LEPR: variants seen among roughly 807,000 people sequenced by gnomAD.
LEPR encodes the protein OB receptor.
LEPR carries 56 observed loss-of-function variants against 114.7 expected under a neutral mutation model. The observed-to-expected ratio is 0.49, with a 90% confidence interval of 0.39 to 0.61. The LOEUF (loss-of-function observed/expected upper bound fraction) is 0.61. Ranked by LOEUF, LEPR falls within the 20% of genes least tolerant of loss-of-function variation. The probability of loss-of-function intolerance (pLI) is 0.00; values close to 1 mark genes in which losing one functional copy is unlikely to be tolerated. For missense variants in LEPR, 1,202 were observed against 1,352.9 expected (o/e 0.89, Z 1.75); for synonymous variants, 443 against 461.4 (o/e 0.96, Z 0.51).
At position 65,548,431 on chromosome 1, in the gene LEPR, G is replaced by A. The variant is rs537270460; in HGVS notation, c.-20-17115G>A. ...GGTGTTAAAGTCTCCCATTATTATT[G>A]TGTGGGAGTCTAAGTCTCTTTGTAG... On this transcript the variant is annotated intron_variant, in intron 2 of 19. Transcript: ENST00000349533. 3.3e-5 allele frequency among the ~76,000 whole-genome samples: 5 copies of A among 152,144 alleles called. No individual in the cohort carries two copies. In the South Asian group the frequency reaches 8.3e-4, roughly 25 times the overall value.
At chr1:65,514,665 G>A (rs1217108746) in intron 2 of LEPR, among the ~76,000 whole-genome samples, 1 of 152,100 alleles carries the variant, frequency 6.6e-6, no homozygotes, top group Non-Finnish European at 1.5e-5. Context: ...ATGTTCTGTG[G>A]TAATTTAGAA....
chr1:65,593,063 T>G (rs1446472797), intron 6 of LEPR, among the ~76,000 whole-genome samples, 198 bp downstream of exon 6: 1 of 152,120 alleles, frequency 6.6e-6, no homozygotes, highest in Non-Finnish European at 1.5e-5. Context: ...CATTGTCACT[T>G]AAATTCTGTT....
chr1:65,607,252 C>CT (rs1488649485), intron 11 of LEPR, among the ~76,000 whole-genome samples: 4 of 152,180 alleles, frequency 2.6e-5, no homozygotes, highest in African/African-American at 9.7e-5. Context: ...AGCCCTTCAG[C>CT]TTCCCTTTTT....
chr1:65,566,726 T>C (rs959801887), intron 3 of LEPR, among the ~76,000 whole-genome samples: 2 of 152,228 alleles, frequency 1.3e-5, no homozygotes, highest in Non-Finnish European at 2.9e-5. Context: ...AGCTGTTACC[T>C]GTGTGTCAAC....
intron 2 of LEPR, among the ~76,000 whole-genome samples, chr1:65,501,433 GAAACAGACACAAGGAGGAAA>G (rs1425649080): frequency 6.6e-6 from 1 of 150,940 alleles, no homozygotes; most frequent in East Asian, 2.0e-4. Flanking sequence ...TAAAAGAAGA[GAAACAGACACAAGGAGGAAA>G]ACCTTGTGTC....
At chr1:65,512,632 A>G (rs1649090105) in intron 2 of LEPR, among the ~76,000 whole-genome samples, 1 of 152,172 alleles carries the variant, frequency 6.6e-6, no homozygotes, top group African/African-American at 2.4e-5. Flanking sequence ...GTAGATCAAC[A>G]CTTGAAAAAC....
At chr1:65,499,201 G>A (rs972879884) in intron 2 of LEPR, among the ~76,000 whole-genome samples, 2 of 152,094 alleles carry the variant, frequency 1.3e-5, no homozygotes, top group African/African-American at 4.8e-5. Context: ...ATAAGAGTGA[G>A]ACACTGTATT....
intron 2 of LEPR, among the ~76,000 whole-genome samples, chr1:65,498,017 T>C (rs1216531095): frequency 2.0e-5 from 3 of 152,170 alleles, no homozygotes; most frequent in Non-Finnish European, 2.9e-5. Flanking sequence ...CTGTCCCCTG[T>C]CCCTGATAAA....
intron 2 of LEPR, among the ~76,000 whole-genome samples, chr1:65,543,503 T>C (rs1171427330): frequency 1.3e-5 from 2 of 152,104 alleles, no homozygotes; most frequent in Admixed American, 1.3e-4. Flanking sequence ...TTGGCTTTTG[T>C]TGCCATTGCT....
intron 19 of LEPR, chr1:65,634,475 A>C: frequency 3.2e-6 from 3 of 950,832 alleles, no homozygotes; most frequent in Non-Finnish European, 3.8e-6. Context: ...AAATTTTTTA[A>C]ATGGATATAC....
rs187308674 is a variant in LEPR, at chr1:65,543,695, A to T, written c.-20-21851A>T. Reference sequence around the variant, plus strand: ...CTCAGTTTTCTGCATATGGCTAGCCAGCTTTCCCAACACCATTTATTAAAT... The same window carrying T: ...CTCAGTTTTCTGCATATGGCTAGCCTGCTTTCCCAACACCATTTATTAAAT... On this transcript the variant is annotated intron_variant, in intron 2 of 19. Coordinates refer to ENST00000349533, the MANE Select transcript of LEPR (RefSeq NM_002303.6). 5.0e-4 allele frequency among the ~76,000 whole-genome samples: 76 copies of T among 152,132 alleles called. 2 individuals carry two copies. Among genetic ancestry groups the T allele is most frequent in the African/African-American group, 1.7e-3 (72 of 41,372 alleles).
Position 65,596,496 on chromosome 1 carries a change from G to A in LEPR, c.752G>A (p.Gly251Asp). 1 of 1,612,724 alleles carries A rather than the reference G, an allele frequency of 6.2e-7. No homozygotes were observed. Among genetic ancestry groups the A allele is most frequent in the Admixed American group, 1.7e-5 (1 of 59,870 alleles). ...LGLHMEITDD[G>D]NLKISWSSPP... ...TTGCATATGGAAATCACAGATGATG[G>A]TAATTTAAAGATTTCTTGGTCCAGC... Residue 251 changes from glycine to aspartate, a missense_variant, in exon 7 of 20, where the codon GGT becomes GAT. Physicochemically the swap from Gly to Asp is moderately conservative, Grantham distance 94 (BLOSUM62 -1). Coordinates refer to ENST00000349533, the MANE Select transcript of LEPR (RefSeq NM_002303.6).
intron 1 of LEPR, chr1:65,421,201 CAG>C (rs1570405507): frequency 2.1e-6 from 2 of 960,546 alleles, no homozygotes; most frequent in East Asian, 2.7e-5. Flanking sequence ...TCCAACTGGG[CAG>C]AGTTGACCGC....
intron 2 of LEPR, among the ~76,000 whole-genome samples, chr1:65,430,854 G>T (rs575494830): frequency 1.3e-5 from 2 of 152,170 alleles, no homozygotes; most frequent in South Asian, 2.1e-4. Context: ...AATGCCATAG[G>T]GGCACCAAGA....
At chr1:65,552,685 T>A (rs531811247) in intron 2 of LEPR, among the ~76,000 whole-genome samples, 2 of 152,340 alleles carry the variant, frequency 1.3e-5, no homozygotes, top group Admixed American at 6.5e-5. Context: ...GCAGTCTGTG[T>A]CTTTTAATTG....
chr1:65,454,437 T>C (rs1482938081), intron 2 of LEPR, among the ~76,000 whole-genome samples: 1 of 152,166 alleles, frequency 6.6e-6, no homozygotes, highest in Admixed American at 6.5e-5. Context: ...TTCCTTTCCA[T>C]GTTTAGCGCT....
At chr1:65,634,954 C>G (rs1005257124) in intron 19 of LEPR, 1 of 811,676 alleles carries the variant, frequency 1.2e-6, no homozygotes, top group Admixed American at 6.3e-5. Flanking sequence ...TGTATTAATT[C>G]AGTATTTGTC....
chr1:65,539,044 C>T, intron 2 of LEPR, among the ~76,000 whole-genome samples: 1 of 134,328 alleles, frequency 7.4e-6, no homozygotes, highest in Non-Finnish European at 1.6e-5. Flanking sequence ...ACTTCTTTTT[C>T]TTAAACATTT....
At chr1:65,452,255 T>C (rs2100331950) in intron 2 of LEPR, among the ~76,000 whole-genome samples, 1 of 152,194 alleles carries the variant, frequency 6.6e-6, no homozygotes, top group Admixed American at 6.5e-5. Flanking sequence ...CTTTTCCTAA[T>C]TGAATACCCT....
Sources: gnomAD v4.1 joint callset for allele counts (sites outside exome capture counted in the v4.1 genomes callset) on GRCh38, gnomAD v4.1.1 for gene constraint, MANE v1.5 for transcripts, NCBI Gene and HGNC (gene_info 2026-07-23, HGNC 2026-07-21) for gene names.